The following NECAB2 variants were observed in gnomAD, a reference collection of about 807,000 sequenced individuals.
NECAB2 encodes the protein N-terminal EF-hand calcium-binding protein 2.
Under a neutral mutation model 51.9 loss-of-function variants are expected in NECAB2, and 68 were observed. The observed-to-expected ratio is 1.31, with a 90% CI of 1.08 to 1.60. The LOEUF (loss-of-function observed/expected upper bound fraction) is 1.60. Ranked by LOEUF, NECAB2 falls within the 40% of genes most tolerant of loss-of-function variation. NECAB2 has a pLI of 0.00. For synonymous variants in NECAB2, 329 were observed against 203.5 expected (o/e 1.62, Z -5.25); for missense variants, 854 against 490.3 (o/e 1.74, Z -7.00).
intron 2 of NECAB2, among the ~76,000 whole-genome samples, chr16:83,976,496 G>A (rs532213071): frequency 9.8e-5 from 15 of 152,326 alleles, no homozygotes; most frequent in African/African-American, 3.4e-4. Context: ...CAGGCTTGCC[G>A]AAGACACTCG....
chr16:83,984,632 G>A (rs887296668), intron 5 of NECAB2, among the ~76,000 whole-genome samples: 6 of 152,264 alleles, frequency 3.9e-5, no homozygotes, highest in South Asian at 2.1e-4. Flanking sequence ...TTGGGAGGCT[G>A]AGGTGAGAGG....
rs902391865 is a variant in NECAB2, at chr16:83,994,657, T to C, written c.764T>C (p.Leu255Ser). ...GGTCTGGAAGCCCAGATCAGCCGCT[T>C]GGCAGAGCTGATTGGGAGGCTGGAG... ...EEGLEAQISRLAELIGRLESK... is the reference protein window; with the variant it reads ...EEGLEAQISRSAELIGRLESK... Residue 255 changes from leucine to serine, a missense_variant, in exon 8 of 13, where the codon TTG becomes TCG. Transcript: ENST00000305202. 16 of 1,614,038 alleles carry C rather than the reference T, an allele frequency of 9.9e-6. No individual in the cohort carries two copies. Among genetic ancestry groups the C allele is most frequent in the African/African-American group, 1.3e-5 (1 of 74,928 alleles).
Position 83,997,570 on chromosome 16 carries a change from C to T in NECAB2, c.849+301C>T, listed in dbSNP as rs143617347. ...TGGTGGGATGTCGGCTTACTGCAAC[C>T]TCTGCCTCCTGGGTTCAAGCAATTC... On this transcript the variant is annotated intron_variant, in intron 9 of 12. Coordinates refer to ENST00000305202, the MANE Select transcript of NECAB2 (RefSeq NM_019065.3). Among the ~76,000 whole-genome samples the T allele has an allele frequency of 2.1e-3, 303 of 142,112 alleles. 6 individuals are homozygous for T. In the East Asian group the frequency reaches 0.045, roughly 21 times the overall value. The allele number at this position is 142,112 out of a possible 152,430, so 93.2% of individuals were successfully genotyped here.
intron 9 of NECAB2, among the ~76,000 whole-genome samples, chr16:83,997,481 T>G (rs888973851): frequency 2.9e-5 from 1 of 34,296 alleles, no homozygotes; most frequent in Non-Finnish European, 5.7e-5. Flanking sequence ...CCCTGGACCT[T>G]TTTTTTTTTT....
At chr16:83,985,185 C>T (rs1051577435) in intron 5 of NECAB2, among the ~76,000 whole-genome samples, 6 of 150,366 alleles carry the variant, frequency 4.0e-5, no homozygotes, top group South Asian at 4.3e-4. Flanking sequence ...TGGTGGCAGG[C>T]GCCTGTAATC....
chr16:83,978,341 T>C (rs2084440649), intron 2 of NECAB2, 103 bp from the exon 3 acceptor site: 3 of 829,012 alleles, frequency 3.6e-6, no homozygotes, highest in Non-Finnish European at 5.9e-6. Context: ...GCAGTTGTTC[T>C]GTCAGTCAGG....
chr16:83,991,680 G>T (rs186920723), intron 6 of NECAB2, among the ~76,000 whole-genome samples: 10 of 151,760 alleles, frequency 6.6e-5, no homozygotes, highest in African/African-American at 2.4e-4. Flanking sequence ...ACAGAATCTT[G>T]CTGTGTCCCC....
rs1436304850 is a variant in NECAB2, at chr16:84,000,801, G to A, written c.1040G>A (p.Arg347Lys). The A allele has an allele frequency of 1.2e-6, 2 of 1,613,524 alleles. No homozygotes were observed. The highest frequency in any genetic ancestry group is 1.7e-6 in the Non-Finnish European group (2 of 1,179,914). ...TGGGAGACAGAGGAGGCGTGGAAGA[G>A]GTGAGATGCTGGGTCCCCACAGCAG... ...EFWETEEAWK[R>K]HLQSPLCKAF... is the part of the protein sequence containing the mutation. The change falls in exon 11 of 13, where the codon AGG (arginine) becomes AAG (lysine). Residue 347 changes from arginine (R) to lysine (K), a missense_variant and splice_region_variant. Physicochemically the swap from Arg to Lys is conservative, Grantham distance 26. Coordinates refer to ENST00000305202, the MANE Select transcript of NECAB2 (RefSeq NM_019065.3).
chr16:83,980,886 G>A (rs2084478548), intron 4 of NECAB2, 22 bp downstream of exon 4: 2 of 1,613,204 alleles, frequency 1.2e-6, no homozygotes, highest in South Asian at 1.1e-5. Flanking sequence ...GCTATGCTGG[G>A]ACCAAGATGG....
rs1244468824 is a variant in NECAB2, at chr16:83,968,627, C to A, written c.-22C>A. On this transcript the variant is annotated 5_prime_UTR_variant, in exon 1 of 13. Transcript: ENST00000305202. ...GGGCGGGGGTCGGCGGGCTTCCGGG[C>A]GGCGGCGGCGGGCGCGGCGCGATGT... The A allele has an allele frequency of 2.7e-5, 26 of 967,640 alleles. No homozygotes were observed. The highest frequency in any genetic ancestry group is 4.6e-5 in the South Asian group (1 of 21,704). The allele number at this position is 967,640 out of a possible 1,614,324, so 59.9% of individuals were successfully genotyped here.
intron 5 of NECAB2, among the ~76,000 whole-genome samples, chr16:83,981,588 C>A (rs1357951130): frequency 6.6e-6 from 1 of 152,134 alleles, no homozygotes; most frequent in Non-Finnish European, 1.5e-5. Context: ...TTGCTGTCAC[C>A]TCCACTATCT....
intron 6 of NECAB2, among the ~76,000 whole-genome samples, chr16:83,992,377 T>TTCCCAC (rs1555548086): frequency 7.5e-6 from 1 of 133,046 alleles, no homozygotes; most frequent in African/African-American, 3.2e-5. Context: ...CGAGCACCCG[T>TTCCCAC]CCCCCCGCCC....
At chr16:83,986,180 C>A (rs912855123) in intron 5 of NECAB2, among the ~76,000 whole-genome samples, 4 of 152,136 alleles carry the variant, frequency 2.6e-5, no homozygotes, top group Admixed American at 6.5e-5. Context: ...CCACGCCCGG[C>A]TAATTTTTGT....
At position 83,978,499 on chromosome 16, in the gene NECAB2, T is replaced by G. The variant is rs925331; in HGVS notation, c.282T>G (p.Leu94=). The change falls in exon 3 of 13, where the codon CTT becomes CTG. Residue 94 remains leucine, a synonymous_variant. Transcript: ENST00000305202. ...EFQLFFADGV[L]NEKELEDLFH... is the part of the protein sequence containing the mutation. Reference sequence around the variant, plus strand: ...AGCTCTTCTTTGCAGATGGCGTCCTTAATGAGAAAGAACTGGAGGATCTCT... The same window carrying G: ...AGCTCTTCTTTGCAGATGGCGTCCTGAATGAGAAAGAACTGGAGGATCTCT... 1.9e-6 allele frequency: 3 copies of G among 1,613,562 alleles called. No individual in the cohort carries two copies. The African/African-American group carries it at 4.0e-5, about 22-fold the overall frequency.
At chr16:83,966,047 C>G (rs2084276802), upstream of NECAB2, 1 of 1,408,152 alleles carries the variant, frequency 7.1e-7, no homozygotes, top group Non-Finnish European at 9.5e-7. Context: ...CCTGAGAGGA[C>G]AGAGATGACC....
At chr16:83,997,563 C>T (rs969972916) in intron 9 of NECAB2, among the ~76,000 whole-genome samples, 2 of 127,880 alleles carry the variant, frequency 1.6e-5, no homozygotes, top group African/African-American at 5.9e-5. Flanking sequence ...TGTCGGCTTA[C>T]TGCAACCTCT....
chr16:83,988,005 T>G (rs2084576702), intron 5 of NECAB2, among the ~76,000 whole-genome samples: 1 of 152,224 alleles, frequency 6.6e-6, no homozygotes. Flanking sequence ...GGGCAGTACT[T>G]TCTCATTTAA....
At chr16:83,987,326 A>G (rs2084569032) in intron 5 of NECAB2, among the ~76,000 whole-genome samples, 1 of 152,150 alleles carries the variant, frequency 6.6e-6, no homozygotes, top group Admixed American at 6.6e-5. Context: ...AATTTCTCAT[A>G]CTAAATTGCG....
At chr16:83,979,053 C>A (rs1369318696) in intron 3 of NECAB2, among the ~76,000 whole-genome samples, 2 of 152,184 alleles carry the variant, frequency 1.3e-5, no homozygotes, top group South Asian at 4.1e-4. Context: ...ATAACCCTGA[C>A]CTGCATCTCA....
Sources: gnomAD v4.1 joint callset for allele counts (sites outside exome capture counted in the v4.1 genomes callset) on GRCh38, gnomAD v4.1.1 for gene constraint, MANE v1.5 for transcripts, NCBI Gene and HGNC (gene_info 2026-07-23, HGNC 2026-07-21) for gene names.